ZFHX3: variants seen among roughly 807,000 people sequenced by gnomAD.
ZFHX3 encodes zinc finger homeobox protein 3.
In ZFHX3, 42 loss-of-function variants were observed where a neutral mutation model predicts 279.1. The observed-to-expected ratio is 0.15, with a 90% confidence interval of 0.12 to 0.19. The LOEUF (loss-of-function observed/expected upper bound fraction) is 0.19, where lower values mean the gene tolerates loss of function less well. Among genes scored for constraint, ZFHX3 ranks in the 10% least tolerant of loss-of-function variants. The pLI, the probability that ZFHX3 is intolerant of heterozygous loss-of-function variation, is 1.00. For missense variants in ZFHX3, 4,981 were observed against 4,754.0 expected (o/e 1.05, Z -1.40); for synonymous variants, 2,293 against 1,957.8 (o/e 1.17, Z -4.52).
chr16:73,550,274 A>C (rs2020184414), intron 2 of ZFHX3, among the ~76,000 whole-genome samples: 1 of 152,096 alleles, frequency 6.6e-6, no homozygotes, highest in Admixed American at 6.5e-5. Flanking sequence ...GTAACACTTA[A>C]ACCAGTCCAC....
chr16:73,780,513 G>T (rs1236146026), intron 1 of ZFHX3, among the ~76,000 whole-genome samples: 1 of 151,494 alleles, frequency 6.6e-6, no homozygotes, highest in East Asian at 2.0e-4. Flanking sequence ...CATGATCACG[G>T]CTCACTGCAA....
intron 1 of ZFHX3, among the ~76,000 whole-genome samples, chr16:73,777,333 C>A (rs769599040): frequency 5.3e-5 from 8 of 151,896 alleles, no homozygotes; most frequent in Admixed American, 3.3e-4. Flanking sequence ...GAAACCCCGT[C>A]TCTACTAAAA....
intron 3 of ZFHX3, among the ~76,000 whole-genome samples, chr16:73,450,679 G>A (rs778074804): frequency 3.9e-5 from 6 of 152,112 alleles, no homozygotes; most frequent in Non-Finnish European, 5.9e-5. Context: ...CCCTAACTCC[G>A]AATCTTTCAT....
chr16:73,344,065 C>T (rs1171267072), intron 3 of ZFHX3, among the ~76,000 whole-genome samples: 1 of 152,136 alleles, frequency 6.6e-6, no homozygotes, highest in East Asian at 1.9e-4. Context: ...ATATTTATGT[C>T]ACTTCAAAAT....
At chr16:73,253,566 C>T (rs2013575010) in intron 5 of ZFHX3, among the ~76,000 whole-genome samples, 1 of 151,918 alleles carries the variant, frequency 6.6e-6, no homozygotes, top group African/African-American at 2.4e-5. Context: ...ATTCTCCTGC[C>T]TCAGCCTCCC....
At chr16:73,029,530 G>T (rs1964621495) in intron 1 of ZFHX3, among the ~76,000 whole-genome samples, 1 of 152,212 alleles carries the variant, frequency 6.6e-6, no homozygotes, top group African/African-American at 2.4e-5. Context: ...GTGTGTGTTG[G>T]ACGACGGAAG....
intron 8 of ZFHX3, among the ~76,000 whole-genome samples, chr16:73,067,809 C>T (rs1033457612): frequency 1.3e-5 from 2 of 152,102 alleles, no homozygotes; most frequent in African/African-American, 4.8e-5. Flanking sequence ...AGGAGGCAGG[C>T]GGGGGATTGT....
At chr16:73,446,743 G>C (rs1410540537) in intron 3 of ZFHX3, among the ~76,000 whole-genome samples, 2 of 152,078 alleles carry the variant, frequency 1.3e-5, no homozygotes, top group Non-Finnish European at 2.9e-5. Context: ...GAGAGTAGTG[G>C]GTGAAAGGAG....
At chr16:73,505,967 C>G (rs1234941672) in intron 2 of ZFHX3, among the ~76,000 whole-genome samples, 2 of 152,224 alleles carry the variant, frequency 1.3e-5, no homozygotes, top group African/African-American at 2.4e-5. Context: ...GTGTGCAAGG[C>G]ACCCTGTTGA....
chr16:73,188,195 T>G (rs370939854), intron 5 of ZFHX3, among the ~76,000 whole-genome samples: 1 of 151,628 alleles, frequency 6.6e-6, no homozygotes, highest in Non-Finnish European at 1.5e-5. Flanking sequence ...ATCTTTATTA[T>G]TATTATTTTC....
chr16:73,336,943 A>G (rs1351696489), intron 3 of ZFHX3, among the ~76,000 whole-genome samples: 1 of 152,096 alleles, frequency 6.6e-6, no homozygotes, highest in African/African-American at 2.4e-5. Context: ...GTCGAGCCTT[A>G]ATATCACCCT....
intron 2 of ZFHX3, among the ~76,000 whole-genome samples, chr16:73,503,269 G>A (rs572538221): frequency 3.6e-4 from 55 of 152,230 alleles, no homozygotes; most frequent in African/African-American, 1.2e-3. Context: ...TATATGTCAC[G>A]GCCACTTAGG....
At chr16:73,062,346 G>A (rs1965694159), upstream of ZFHX3, 1 of 152,204 alleles carries the variant, frequency 6.6e-6, no homozygotes, top group South Asian at 2.1e-4. Context: ...GTGTGAGTAT[G>A]TGAATATATC....
At chr16:73,265,028 A>ATATG (rs1567434387) in intron 4 of ZFHX3, among the ~76,000 whole-genome samples, 1 of 150,494 alleles carries the variant, frequency 6.6e-6, no homozygotes, top group African/African-American at 2.4e-5. Flanking sequence ...ATATATATAT[A>ATATG]TATATAACAC....
intron 2 of ZFHX3, among the ~76,000 whole-genome samples, chr16:73,647,582 T>G (rs2052632166): frequency 6.6e-6 from 1 of 152,160 alleles, no homozygotes. Context: ...GAACTGTGAG[T>G]CAATTAAACT....
At chr16:72,819,559 A>G (rs1199237260) in intron 5 of ZFHX3, among the ~76,000 whole-genome samples, 1 of 152,190 alleles carries the variant, frequency 6.6e-6, no homozygotes, top group Non-Finnish European at 1.5e-5. Flanking sequence ...TGGTCCAGGG[A>G]CGACACTTTG....
chr16:73,667,822 G>A (rs1029309900), intron 2 of ZFHX3, among the ~76,000 whole-genome samples: 11 of 152,144 alleles, frequency 7.2e-5, no homozygotes, highest in African/African-American at 2.4e-4. Flanking sequence ...ATTATTGGAC[G>A]GTAGCCTTGC....
chr16:73,637,216 AT>A lies in ZFHX3; in HGVS notation c.-1547+42963del, dbSNP rs1179577622. On this transcript the variant is annotated intron_variant, in intron 2 of 17. Transcript: ENST00000641206. ...TGGGAGAAAATGAGGTTAAAACCAT[AT>A]TTTTTTTTTGTTCTTTTTTTTTTTT... is the stretch of plus-strand genomic sequence containing the variant. Among the ~76,000 whole-genome samples the A allele has an allele frequency of 4.0e-3, 546 of 137,962 alleles. 1 individual carries two copies. The highest frequency in any genetic ancestry group is 0.013 in the African/African-American group (499 of 37,192). The allele number at this position is 137,962 out of a possible 152,430, so 90.5% of individuals were successfully genotyped here. A position where few individuals can be genotyped will look rare whatever the true frequency, so the allele number is the denominator to read the frequency against.
intron 1 of ZFHX3, chr16:73,815,505 G>A (rs144365585): frequency 6.6e-6 from 1 of 151,826 alleles, no homozygotes; most frequent in Non-Finnish European, 1.5e-5. Flanking sequence ...AATTTATCCA[G>A]AAGAACCGAT....
Sources: gnomAD v4.1 joint callset for allele counts (sites outside exome capture counted in the v4.1 genomes callset) on GRCh38, gnomAD v4.1.1 for gene constraint, MANE v1.5 for transcripts, NCBI Gene and HGNC (gene_info 2026-07-23, HGNC 2026-07-21) for gene names.